RBFOX1: variants seen among roughly 807,000 people sequenced by gnomAD.
RBFOX1 encodes the protein RNA binding fox-1 homolog 1.
A neutral mutation model predicts 57.7 loss-of-function variants in RBFOX1; 8 were observed. The ratio of observed to expected loss-of-function variants is 0.14; its 90% CI spans 0.08 to 0.25. RBFOX1 has a LOEUF of 0.25. Ranked by LOEUF, RBFOX1 falls within the 10% of genes least tolerant of loss-of-function variation. The probability of loss-of-function intolerance (pLI) is 1.00; values close to 1 mark genes in which losing one functional copy is unlikely to be tolerated. For missense variants in RBFOX1, 611 were observed against 548.5 expected (o/e 1.11, Z -1.14); for synonymous variants, 326 against 222.4 (o/e 1.47, Z -4.15).
intron 4 of RBFOX1, among the ~76,000 whole-genome samples, chr16:7,306,821 C>T (rs2096200189): frequency 6.6e-6 from 1 of 152,124 alleles, no homozygotes; most frequent in Non-Finnish European, 1.5e-5. Context: ...AGACAATCGG[C>T]TGATTAAGAG....
chr16:5,804,744 G>C (rs1371472237), intron 3 of RBFOX1, among the ~76,000 whole-genome samples: 1 of 152,120 alleles, frequency 6.6e-6, no homozygotes, highest in African/African-American at 2.4e-5. Context: ...TGCAGCAGTG[G>C]CTGCTGCCTG....
At chr16:5,338,610 A>G (rs1399359336) in intron 1 of RBFOX1, among the ~76,000 whole-genome samples, 2 of 152,182 alleles carry the variant, frequency 1.3e-5, no homozygotes, top group African/African-American at 4.8e-5. Flanking sequence ...TAGACTAGCC[A>G]ATTTTAAGGT....
intron 4 of RBFOX1, among the ~76,000 whole-genome samples, chr16:5,879,151 G>A (rs747336113): frequency 6.6e-6 from 1 of 152,174 alleles, no homozygotes; most frequent in Non-Finnish European, 1.5e-5. Context: ...GAAGGGGAGA[G>A]AATGCTGTAT....
intron 3 of RBFOX1, among the ~76,000 whole-genome samples, chr16:5,620,636 C>T (rs986655006): frequency 1.3e-5 from 2 of 152,116 alleles, no homozygotes; most frequent in African/African-American, 4.8e-5. Context: ...ATAAGAACAA[C>T]AGTCTTGTTG....
intron 2 of RBFOX1, among the ~76,000 whole-genome samples, chr16:6,581,008 A>C (rs561631862): frequency 1.3e-5 from 2 of 152,120 alleles, no homozygotes; most frequent in South Asian, 4.2e-4. Flanking sequence ...TGGATGAAGA[A>C]TGTGAAAAAT....
chr16:7,315,808 G>C (rs956279787), intron 4 of RBFOX1, among the ~76,000 whole-genome samples: 9 of 152,132 alleles, frequency 5.9e-5, no homozygotes, highest in African/African-American at 1.7e-4. Flanking sequence ...TTGAATTCGT[G>C]AGTGTCTCAT....
intron 3 of RBFOX1, among the ~76,000 whole-genome samples, chr16:7,021,581 T>C (rs1000506121): frequency 5.5e-5 from 8 of 145,976 alleles, no homozygotes; most frequent in African/African-American, 2.0e-4. Flanking sequence ...TTATAAAATA[T>C]ATAAAAGTAA....
intron 3 of RBFOX1, among the ~76,000 whole-genome samples, chr16:5,694,621 C>T (rs942008396): frequency 3.3e-5 from 5 of 152,092 alleles, no homozygotes; most frequent in Admixed American, 2.6e-4. Flanking sequence ...TGGGTTATGT[C>T]TGCCTGATGC....
intron 3 of RBFOX1, among the ~76,000 whole-genome samples, chr16:5,682,337 C>A (rs2050367160): frequency 6.6e-6 from 1 of 152,128 alleles, no homozygotes; most frequent in African/African-American, 2.4e-5. Flanking sequence ...AATTGCACAG[C>A]TGTGAAACCT....
intron 4 of RBFOX1, among the ~76,000 whole-genome samples, chr16:5,887,650 C>T (rs982746383): frequency 1.3e-5 from 2 of 152,076 alleles, no homozygotes; most frequent in South Asian, 2.1e-4. Context: ...GTGATCCACC[C>T]GCCTCAGCCT....
intron 3 of RBFOX1, among the ~76,000 whole-genome samples, chr16:6,957,845 A>C (rs2082189253): frequency 6.6e-6 from 1 of 152,090 alleles, no homozygotes; most frequent in Non-Finnish European, 1.5e-5. Flanking sequence ...GTTAGCCTGG[A>C]CTTCCTCCTA....
At chr16:5,616,268 T>A (rs2048021535) in intron 3 of RBFOX1, 1 of 152,330 alleles carries the variant, frequency 6.6e-6, no homozygotes, top group African/African-American at 2.4e-5. Flanking sequence ...GCTGGAAACC[T>A]GGGAAGGAAG....
intron 3 of RBFOX1, among the ~76,000 whole-genome samples, chr16:6,951,270 C>T (rs140791607): frequency 1.1e-4 from 17 of 152,130 alleles, no homozygotes; most frequent in African/African-American, 4.1e-4. Flanking sequence ...ATAGAGTCAC[C>T]CATCTTCTGA....
Position 7,712,641 on chromosome 16 carries a change from G to C in RBFOX1, c.*1896G>C, listed in dbSNP as rs968311514. The C allele has an allele frequency of 1.3e-5, 2 of 152,324 alleles. No homozygotes were observed. Among genetic ancestry groups the C allele is most frequent in the African/African-American group, 4.8e-5 (2 of 41,408 alleles). The allele number at this position is 152,324 out of a possible 1,614,324, so 9.4% of individuals were successfully genotyped here. On this transcript the variant is annotated 3_prime_UTR_variant, in exon 16 of 16. Coordinates refer to ENST00000550418, the MANE Select transcript of RBFOX1 (RefSeq NM_018723.4). ...CTTCTTTGGGTGGGTGAGGGGAGGGGCAAGAGGGTGTTTTATAGCATCACT... is the reference window on the plus strand; with the variant it reads ...CTTCTTTGGGTGGGTGAGGGGAGGGCCAAGAGGGTGTTTTATAGCATCACT...
intron 5 of RBFOX1, among the ~76,000 whole-genome samples, chr16:7,543,999 G>A (rs776438704): frequency 5.3e-4 from 80 of 152,236 alleles, no homozygotes; most frequent in Non-Finnish European, 9.1e-4. Flanking sequence ...GATTATAGGC[G>A]TAAGCCACCA....
At chr16:6,634,537 ATTT>A (rs917261453) in intron 2 of RBFOX1, among the ~76,000 whole-genome samples, 1 of 148,274 alleles carries the variant, frequency 6.7e-6, no homozygotes, top group Non-Finnish European at 1.5e-5. Context: ...ATACTTTTAT[ATTT>A]TTTAATTTAA....
intron 3 of RBFOX1, among the ~76,000 whole-genome samples, chr16:5,737,192 A>G (rs956230973): frequency 2.0e-5 from 3 of 152,130 alleles, no homozygotes; most frequent in Non-Finnish European, 2.9e-5. Flanking sequence ...TTTTTTAAAA[A>G]AAGATTCTGG....
intron 4 of RBFOX1, among the ~76,000 whole-genome samples, chr16:7,233,366 A>AAC (rs2093609653): frequency 2.0e-5 from 3 of 152,162 alleles, no homozygotes; most frequent in African/African-American, 7.2e-5. Context: ...CATGTTATTC[A>AAC]CGTGCTTCCA....
chr16:5,672,821 T>C (rs1443124542), intron 3 of RBFOX1, among the ~76,000 whole-genome samples: 5 of 151,764 alleles, frequency 3.3e-5, no homozygotes, highest in Non-Finnish European at 7.4e-5. Context: ...ACCAGAGAAA[T>C]AAGAGAGGGA....
Sources: gnomAD v4.1 joint callset for allele counts (sites outside exome capture counted in the v4.1 genomes callset) on GRCh38, gnomAD v4.1.1 for gene constraint, MANE v1.5 for transcripts, NCBI Gene and HGNC (gene_info 2026-07-23, HGNC 2026-07-21) for gene names.